Variants in IGSF21 observed in about 807,000 individuals in gnomAD.
The protein encoded by IGSF21 is immunoglobin superfamily member 21.
In IGSF21, 28 loss-of-function variants were observed where a neutral mutation model predicts 46.8. That is an observed-to-expected ratio of 0.60 (90% CI 0.44 to 0.82). The LOEUF is 0.82. Ranked by LOEUF, IGSF21 falls within the 40% of genes least tolerant of loss-of-function variation. The pLI, the probability that IGSF21 is intolerant of heterozygous loss-of-function variation, is 0.00. For synonymous variants in IGSF21, 284 were observed against 273.6 expected, an observed-to-expected ratio of 1.04 and a Z score of -0.38; for missense variants, 624 against 665.5, an observed-to-expected ratio of 0.94 and a Z score of 0.69.
intron 2 of IGSF21, among the ~76,000 whole-genome samples, chr1:18,291,426 A>T (rs895762066): frequency 6.6e-5 from 10 of 152,222 alleles, no homozygotes; most frequent in African/African-American, 2.4e-4. Context: ...TAGCCAGAGG[A>T]GCTTGTAAAT....
chr1:18,291,398 C>G (rs569285225), intron 2 of IGSF21, among the ~76,000 whole-genome samples: 3 of 152,330 alleles, frequency 2.0e-5, no homozygotes, highest in Admixed American at 1.3e-4. Flanking sequence ...TTGCCCCTTT[C>G]GATTCATCCT....
intron 2 of IGSF21, among the ~76,000 whole-genome samples, chr1:18,230,080 G>A (rs1240736694): frequency 6.6e-6 from 1 of 152,230 alleles, no homozygotes; most frequent in East Asian, 1.9e-4. Flanking sequence ...TGTTACCATA[G>A]TCACAGTGGT....
intron 3 of IGSF21, among the ~76,000 whole-genome samples, chr1:18,302,809 G>A (rs2085374943): frequency 2.0e-5 from 3 of 152,138 alleles, no homozygotes; most frequent in African/African-American, 7.2e-5. Flanking sequence ...TGGGTCTTGG[G>A]TTAGTGAAGA....
intron 2 of IGSF21, among the ~76,000 whole-genome samples, chr1:18,246,483 C>G (rs1392928749): frequency 6.6e-6 from 1 of 152,122 alleles, no homozygotes; most frequent in East Asian, 1.9e-4. Flanking sequence ...AGGACTCCAA[C>G]CTCCAGGCTC....
chr1:18,183,798 C>T (rs1205270568), intron 1 of IGSF21, among the ~76,000 whole-genome samples: 3 of 151,808 alleles, frequency 2.0e-5, no homozygotes, highest in East Asian at 1.9e-4. Context: ...CCTCGGGTGG[C>T]GGGTGGTGCG....
chr1:18,357,215 G>A (rs1168853963), intron 4 of IGSF21, among the ~76,000 whole-genome samples: 1 of 150,710 alleles, frequency 6.6e-6, no homozygotes, highest in Non-Finnish European at 1.5e-5. Context: ...GTTGGGGATG[G>A]GGGTAGATAT....
At chr1:18,163,300 T>C (rs1216628028) in intron 1 of IGSF21, among the ~76,000 whole-genome samples, 1 of 149,300 alleles carries the variant, frequency 6.7e-6, no homozygotes, top group Non-Finnish European at 1.5e-5. Flanking sequence ...TTGTTATTGG[T>C]GGTGGTGTTA....
intron 1 of IGSF21, among the ~76,000 whole-genome samples, chr1:18,193,203 G>A (rs956790698): frequency 6.6e-6 from 1 of 152,136 alleles, no homozygotes; most frequent in Non-Finnish European, 1.5e-5. Context: ...AGTAGGCAGA[G>A]GGAAGAGCAG....
intron 3 of IGSF21, among the ~76,000 whole-genome samples, chr1:18,326,181 G>A (rs184106097): frequency 6.6e-6 from 1 of 152,334 alleles, no homozygotes; most frequent in African/African-American, 2.4e-5. Context: ...GGTGGAGCAG[G>A]CATTCTGCAA....
rs755254276 is a variant in IGSF21 at position 18,337,099 on chromosome 1, T to C, written c.424+2089T>C. On this transcript the variant is annotated intron_variant, in intron 4 of 9. Coordinates refer to ENST00000251296, the MANE Select transcript of IGSF21 (RefSeq NM_032880.5). The surrounding 1 kb of genome is among the most constrained non-coding windows in gnomAD (Gnocchi z 5.7). ...TGGGACACAGCCAAACCATATCATG[T>C]ATCATCAGAGGGTTGACCAGACCAT... is the stretch of plus-strand genomic sequence containing the variant. 1.1e-4 allele frequency among the ~76,000 whole-genome samples: 17 copies of C among 152,194 alleles called. No homozygotes were observed. The highest frequency in any genetic ancestry group is 2.2e-4 in the Non-Finnish European group (15 of 68,036).
intron 1 of IGSF21, among the ~76,000 whole-genome samples, chr1:18,161,299 C>T (rs1267239574): frequency 5.3e-5 from 8 of 152,118 alleles, no homozygotes; most frequent in African/African-American, 1.7e-4. Flanking sequence ...CTTCTCTAGG[C>T]ACTATTACCA....
chr1:18,301,320 T>TTTTG (rs71575879), intron 3 of IGSF21, among the ~76,000 whole-genome samples: 3,709 of 150,708 alleles, frequency 0.025, 66 homozygotes, highest in African/African-American at 0.051. Flanking sequence ...ATGGTAATTG[T>TTTTG]TTTGTTTGTT....
intron 3 of IGSF21, among the ~76,000 whole-genome samples, chr1:18,328,627 A>C (rs868340755): frequency 3.3e-5 from 5 of 152,354 alleles, no homozygotes; most frequent in Middle Eastern, 3.4e-3. Context: ...GGAGAAGAAT[A>C]TGACAAGCAC....
intron 1 of IGSF21, among the ~76,000 whole-genome samples, chr1:18,205,573 G>A (rs997077987): frequency 5.3e-5 from 8 of 152,134 alleles, no homozygotes; most frequent in Non-Finnish European, 8.8e-5. Context: ...GAGGGTAATC[G>A]CAGAATCAGC....
At chr1:18,324,715 G>A (rs536599338) in intron 3 of IGSF21, among the ~76,000 whole-genome samples, 4 of 152,236 alleles carry the variant, frequency 2.6e-5, no homozygotes, top group Admixed American at 6.5e-5. Context: ...CTCAAGGGAG[G>A]GTCTCCTGTG....
chr1:18,358,063 G>T (rs907206869), intron 4 of IGSF21, among the ~76,000 whole-genome samples: 11 of 152,066 alleles, frequency 7.2e-5, no homozygotes, highest in African/African-American at 2.7e-4. Context: ...GTGTGTGTGT[G>T]TGAATGTTTA....
At chr1:18,137,381 G>A (rs940801556) in intron 1 of IGSF21, among the ~76,000 whole-genome samples, 5 of 152,024 alleles carry the variant, frequency 3.3e-5, no homozygotes, top group Non-Finnish European at 5.9e-5. Flanking sequence ...ATTTAGGTGG[G>A]GACACACATC....
intron 3 of IGSF21, among the ~76,000 whole-genome samples, chr1:18,321,427 C>A (rs1313877702): frequency 6.6e-6 from 1 of 152,212 alleles, no homozygotes; most frequent in Non-Finnish European, 1.5e-5. Flanking sequence ...CCTCAAACAG[C>A]AACTAGCCTG....
intron 2 of IGSF21, among the ~76,000 whole-genome samples, chr1:18,260,468 AGGGAATGCTCCTTGCAGAGCAGGG>A (rs2084936546): frequency 6.6e-6 from 1 of 152,264 alleles, no homozygotes; most frequent in Admixed American, 6.5e-5. Flanking sequence ...GCAGCCGCTG[AGGGAATGCTCCTTGCAGAGCAGGG>A]CTACCCCACA....
Sources: allele counts gnomAD v4.1 joint callset (sites outside exome capture counted in the v4.1 genomes callset), GRCh38; gene constraint gnomAD v4.1.1; non-coding constraint Gnocchi (gnomAD v3.1); transcripts MANE v1.5; gene names NCBI Gene and HGNC (gene_info 2026-07-23, HGNC 2026-07-21).